Variants in FASTKD2 observed in about 807,000 individuals in gnomAD.
FASTKD2 encodes the protein FAST kinase domains 2.
FASTKD2 carries 51 observed loss-of-function variants against 63.6 expected under a neutral mutation model. The ratio of observed to expected loss-of-function variants is 0.80; its 90% CI spans 0.64 to 1.01. The LOEUF is 1.01. FASTKD2 is among the 50% of genes least tolerant of loss of function. The pLI, the probability that FASTKD2 is intolerant of heterozygous loss-of-function variation, is 0.00. For synonymous variants in FASTKD2, 284 were observed against 293.4 expected (o/e 0.97, Z 0.33); for missense variants, 786 against 831.1 (o/e 0.95, Z 0.67).
At chr2:206,791,577 C>T in intron 11 of FASTKD2, 106 bp from the exon 12 acceptor site, 1 of 1,071,772 alleles carries the variant, frequency 9.3e-7, no homozygotes, top group Admixed American at 1.7e-5. Flanking sequence ...CATTTGCTTT[C>T]AAAAAGCTAT....
Position 206,786,848 on chromosome 2 carries a change from C to T in FASTKD2, c.1543C>T (p.Pro515Ser). 1.2e-6 allele frequency: 2 copies of T among 1,613,172 alleles called. No individual in the cohort carries two copies. The highest frequency in any genetic ancestry group is 1.7e-6 in the Non-Finnish European group (2 of 1,179,454). ...CTTGATGAATTACTTTCCCCTGGCTCCTTTTAATCAGCTTCTGCAAAAAGA... is the reference window on the plus strand; with the variant it reads ...CTTGATGAATTACTTTCCCCTGGCTTCTTTTAATCAGCTTCTGCAAAAAGA... The part of the protein sequence containing the change: ...FCLMNYFPLA[P>S]FNQLLQKDII... Residue 515 changes from proline to serine, a missense_variant, in exon 8 of 12, where the codon CCT becomes TCT. Transcript: ENST00000402774.
In FASTKD2 at chr2:206,774,336, AT is replaced by A; in HGVS notation, c.1368del (p.Leu457TyrfsTer30). On this transcript the variant is annotated frameshift_variant, in exon 7 of 12. Coordinates refer to ENST00000402774, the MANE Select transcript of FASTKD2 (RefSeq NM_001136193.2). LOFTEE classifies it high-confidence loss of function. Reference sequence around the variant, plus strand: ...TCCTGAATCCCTAAACATGAAAAACATTCTATCTATTCTTCATACTTACTCT... The same window carrying A: ...TCCTGAATCCCTAAACATGAAAAACATCTATCTATTCTTCATACTTACTCT... ...EDPESLNMKN[I>X]LSILHTYSSL... 1 of 1,602,354 alleles carries A rather than the reference AT, an allele frequency of 6.2e-7. No individual in the cohort carries two copies. Among genetic ancestry groups the A allele is most frequent in the Non-Finnish European group, 8.5e-7 (1 of 1,170,028 alleles).
chr2:206,769,565 A>G (rs1300218166), intron 2 of FASTKD2, among the ~76,000 whole-genome samples: 1 of 152,246 alleles, frequency 6.6e-6, no homozygotes, highest in African/African-American at 2.4e-5. Context: ...TGAGACCCAG[A>G]TAGCAGTGGT....
intron 6 of FASTKD2, among the ~76,000 whole-genome samples, chr2:206,773,316 C>CAA (rs869141094): frequency 2.4e-3 from 160 of 67,742 alleles, no homozygotes; most frequent in South Asian, 2.9e-3. Context: ...AACTCTGTCT[C>CAA]AAAAAAAAAA....
chr2:206,775,543 CAG>C (rs1170695786), intron 7 of FASTKD2, among the ~76,000 whole-genome samples: 1 of 151,550 alleles, frequency 6.6e-6, no homozygotes, highest in Admixed American at 6.6e-5. Flanking sequence ...CAATCTTCAT[CAG>C]AGATACTGTG....
At chr2:206,768,823 A>G (rs1689593747) in intron 2 of FASTKD2, among the ~76,000 whole-genome samples, 1 of 152,230 alleles carries the variant, frequency 6.6e-6, no homozygotes, top group South Asian at 2.1e-4. Context: ...AACTTTTTAC[A>G]TTACTGTGAT....
chr2:206,794,674 A>G lies in FASTKD2; in HGVS notation c.*2872A>G, dbSNP rs181505990. On this transcript the variant is annotated 3_prime_UTR_variant, in exon 12 of 12. Coordinates refer to ENST00000402774, the MANE Select transcript of FASTKD2 (RefSeq NM_001136193.2). The stretch of plus-strand genomic sequence containing the variant: ...AAAACATTCAAAAATTGAAAATTTC[A>G]TATATACATAGCCTAACAACTCTTC... Among the ~76,000 whole-genome samples the G allele has an allele frequency of 3.3e-5, 5 of 152,254 alleles. No individual in the cohort carries two copies. The highest frequency in any genetic ancestry group is 2.1e-4 in the South Asian group (1 of 4,830).
chr2:206,787,505 A>G (rs1013713888), intron 8 of FASTKD2, among the ~76,000 whole-genome samples: 2 of 152,244 alleles, frequency 1.3e-5, no homozygotes, highest in African/African-American at 4.8e-5. Flanking sequence ...AATAAATGTT[A>G]TAAAATCCCA....
At chr2:206,768,642 G>T (rs978677343) in intron 2 of FASTKD2, among the ~76,000 whole-genome samples, 1 of 152,202 alleles carries the variant, frequency 6.6e-6, no homozygotes, top group Non-Finnish European at 1.5e-5. Context: ...CGAAGCTGCC[G>T]TGAGCCATGA....
intron 7 of FASTKD2, among the ~76,000 whole-genome samples, chr2:206,783,480 C>A (rs1690048216): frequency 6.6e-6 from 1 of 151,946 alleles, no homozygotes; most frequent in Non-Finnish European, 1.5e-5. Context: ...TCCTTTACTC[C>A]CCTGGCTTCA....
Position 206,777,288 on chromosome 2 carries a change from G to A in FASTKD2, c.1427+2891G>A, listed in dbSNP as rs981098689. Among the ~76,000 whole-genome samples the A allele has an allele frequency of 7.2e-5, 11 of 152,080 alleles. No homozygotes were observed. In the East Asian group the frequency reaches 7.7e-4, roughly 11 times the overall value. On this transcript the variant is annotated intron_variant, in intron 7 of 11. Coordinates refer to ENST00000402774, the MANE Select transcript of FASTKD2 (RefSeq NM_001136193.2). ...AAGAAAATATTTGTTTTTCATCATC[G>A]AATATGATGTTAGCTATGGCTTTTC...
At chr2:206,782,904 T>C (rs1409671776) in intron 7 of FASTKD2, among the ~76,000 whole-genome samples, 1 of 151,850 alleles carries the variant, frequency 6.6e-6, no homozygotes, top group Admixed American at 6.6e-5. Flanking sequence ...AAAATTAGAG[T>C]GTAGGTCACA....
Position 206,791,940 on chromosome 2 carries a change from G to A in FASTKD2, c.*138G>A. On this transcript the variant is annotated 3_prime_UTR_variant, in exon 12 of 12. Coordinates refer to ENST00000402774, the MANE Select transcript of FASTKD2 (RefSeq NM_001136193.2). The stretch of plus-strand genomic sequence containing the variant: ...CAGTTCACTATTAAAATTAATTTTA[G>A]GAGTGGAAGAAATGTTGTTACTGCC... The A allele has an allele frequency of 2.6e-6, 2 of 761,170 alleles. No homozygotes were observed. Among genetic ancestry groups the A allele is most frequent in the Non-Finnish European group, 4.3e-6 (2 of 470,328 alleles). The allele number at this position is 761,170 out of a possible 1,614,324, so 47.2% of individuals were successfully genotyped here.
chr2:206,773,160 C>G lies in FASTKD2; in HGVS notation c.1254+840C>G, dbSNP rs184294750. The stretch of plus-strand genomic sequence containing the variant: ...TGAAACCCCATCTCTACTAAAAATA[C>G]AAAAAGTAGCCGGGCATGGTGACGT... On this transcript the variant is annotated intron_variant, in intron 6 of 11. Transcript: ENST00000402774. 2.1e-4 allele frequency among the ~76,000 whole-genome samples: 32 copies of G among 152,006 alleles called. No individual in the cohort carries two copies. The East Asian group carries it at 6.2e-3, about 29-fold the overall frequency.
chr2:206,788,107 GAAGGACA>G lies in FASTKD2; in HGVS notation c.1766_1772del (p.Glu589AlafsTer44). 1 of 1,612,766 alleles carries G rather than the reference GAAGGACA, an allele frequency of 6.2e-7. No individual in the cohort carries two copies. The highest frequency in any genetic ancestry group is 8.5e-7 in the Non-Finnish European group (1 of 1,179,250). ...GGTGCTGAGCAGCCTTCTGGGAGGT[GAAGGACA>G]CTTCTCAAAGGATGTGCACTTGCCA... On this transcript the variant is annotated frameshift_variant, in exon 9 of 12. Transcript: ENST00000402774. LOFTEE classifies it high-confidence loss of function.
chr2:206,792,843 C>T lies in FASTKD2; in HGVS notation c.*1041C>T, dbSNP rs939125425. On this transcript the variant is annotated 3_prime_UTR_variant, in exon 12 of 12. Coordinates refer to ENST00000402774, the MANE Select transcript of FASTKD2 (RefSeq NM_001136193.2). Reference sequence around the variant, plus strand: ...TCTCTGTGTCTTCACTTCCTCATCTCTAAAATCAGGATAGGTATTTGCCCA... The same window carrying T: ...TCTCTGTGTCTTCACTTCCTCATCTTTAAAATCAGGATAGGTATTTGCCCA... Among the ~76,000 whole-genome samples the T allele has an allele frequency of 6.6e-6, 1 of 152,158 alleles. No homozygotes were observed. The highest frequency in any genetic ancestry group is 2.4e-5 in the African/African-American group (1 of 41,428).
At chr2:206,770,601 G>T (rs1353975100) in intron 3 of FASTKD2, among the ~76,000 whole-genome samples, 1 of 151,906 alleles carries the variant, frequency 6.6e-6, no homozygotes, top group Non-Finnish European at 1.5e-5. Context: ...GTGGTGGTGG[G>T]TGCCTGTAGT....
rs1184269140 is a variant in FASTKD2 at position 206,793,149 on chromosome 2, G to A, written c.*1347G>A. On this transcript the variant is annotated 3_prime_UTR_variant, in exon 12 of 12. Transcript: ENST00000402774. Reference sequence around the variant, plus strand: ...AGGCAGGGGAATCGCTTGAACCCGGGAGGTGGAGATTGCAGTGAGCCAAGA... The same window carrying A: ...AGGCAGGGGAATCGCTTGAACCCGGAAGGTGGAGATTGCAGTGAGCCAAGA... 6.8e-6 allele frequency among the ~76,000 whole-genome samples: 1 copy of A among 147,994 alleles called. No homozygotes were observed. The highest frequency in any genetic ancestry group is 1.5e-5 in the Non-Finnish European group (1 of 67,422).
rs961847801 is a variant in FASTKD2 at position 206,767,041 on chromosome 2, A to G, written c.348A>G (p.Ser116=). 2 of 1,614,054 alleles carry G rather than the reference A, an allele frequency of 1.2e-6. No homozygotes were observed. The highest frequency in any genetic ancestry group is 1.7e-6 in the Non-Finnish European group (2 of 1,179,932). The change falls in exon 2 of 12, where the codon TCA becomes TCG. Residue 116 remains serine (S), a synonymous_variant. Coordinates refer to ENST00000402774, the MANE Select transcript of FASTKD2 (RefSeq NM_001136193.2). ...ATGCTAAAAGACTGTTTTTTGACTC[A>G]AAGCAGTCTCTTGTCCCTGTTGATA... ...LLYAKRLFFD[S]KQSLVPVDKS... is the part of the protein sequence containing the mutation.
Sources: gnomAD v4.1 joint callset for allele counts (sites outside exome capture counted in the v4.1 genomes callset) on GRCh38, gnomAD v4.1.1 for gene constraint, MANE v1.5 for transcripts, NCBI Gene and HGNC (gene_info 2026-07-23, HGNC 2026-07-21) for gene names.